USP32: variants seen among roughly 807,000 people sequenced by gnomAD.
USP32 encodes ubiquitin specific peptidase 32.
USP32 carries 59 observed loss-of-function variants against 204.8 expected under a neutral mutation model. The ratio of observed to expected loss-of-function variants is 0.29; its 90% CI spans 0.23 to 0.36. The LOEUF is 0.36. Ranked by LOEUF, USP32 falls within the 10% of genes least tolerant of loss-of-function variation. The pLI, the probability that USP32 is intolerant of heterozygous loss-of-function variation, is 1.00. For missense variants in USP32, 1,160 were observed against 1,946.4 expected, an observed-to-expected ratio of 0.60 and a Z score of 7.60; for synonymous variants, 517 against 678.4, an observed-to-expected ratio of 0.76 and a Z score of 3.70.
At chr17:60,416,089 C>T (rs953433932) in intron 1 of USP32, among the ~76,000 whole-genome samples, 9 of 152,214 alleles carry the variant, frequency 5.9e-5, no homozygotes, top group South Asian at 4.1e-4. Flanking sequence ...CTGCCCGCGT[C>T]GGCCTCCCAA....
At chr17:60,336,626 G>T (rs1274836939) in intron 2 of USP32, among the ~76,000 whole-genome samples, 24 of 143,610 alleles carry the variant, frequency 1.7e-4, no homozygotes, top group South Asian at 2.1e-4. Context: ...TGAGGCAGGA[G>T]AATGGCGTGA....
At chr17:60,354,018 C>A (rs1165761385) in intron 1 of USP32, among the ~76,000 whole-genome samples, 2 of 152,166 alleles carry the variant, frequency 1.3e-5, no homozygotes, top group African/African-American at 4.8e-5. Context: ...CAACTATACT[C>A]TTTACTTCCA....
At chr17:60,298,745 C>T (rs1302856814) in intron 3 of USP32, among the ~76,000 whole-genome samples, 1 of 152,082 alleles carries the variant, frequency 6.6e-6, no homozygotes, top group Non-Finnish European at 1.5e-5. Flanking sequence ...AATTATATTC[C>T]AATACATAAA....
At chr17:60,262,258 C>T (rs187202038) in intron 9 of USP32, among the ~76,000 whole-genome samples, 7 of 152,288 alleles carry the variant, frequency 4.6e-5, no homozygotes, top group African/African-American at 1.7e-4. Context: ...ATGGTGTCAT[C>T]TTGGCTCACT....
At chr17:60,256,775 AC>A in intron 9 of USP32, 2 of 1,189,012 alleles carry the variant, frequency 1.7e-6, no homozygotes, top group Non-Finnish European at 2.1e-6. Context: ...AATCAAGTAT[AC>A]AAAAAACTGG....
intron 16 of USP32, among the ~76,000 whole-genome samples, chr17:60,216,467 C>T (rs1307701586): frequency 6.6e-6 from 1 of 152,160 alleles, no homozygotes; most frequent in Non-Finnish European, 1.5e-5. Flanking sequence ...CCCATTCAAT[C>T]ATGAGTTAGC....
intron 1 of USP32, among the ~76,000 whole-genome samples, chr17:60,355,896 A>T (rs1233026966): frequency 6.7e-6 from 1 of 150,176 alleles, no homozygotes; most frequent in African/African-American, 2.4e-5. Flanking sequence ...GTAAAAAAAA[A>T]AAAAAAAAAA....
intron 30 of USP32, among the ~76,000 whole-genome samples, chr17:60,185,090 G>A (rs948147526): frequency 7.2e-5 from 11 of 152,210 alleles, no homozygotes; most frequent in African/African-American, 2.7e-4. Context: ...TCCAGGCTCA[G>A]TTGCTCTTCT....
rs115461269 is a variant in USP32, at chr17:60,236,707, A to G, written c.1137-467T>C. On this transcript the variant is annotated intron_variant, in intron 11 of 33. Transcript: ENST00000300896. ...GTTTGAGAACATTTAAAACATTTCA[A>G]TTAATCCAAAAAGACTGCTGTAGCC... Among the ~76,000 whole-genome samples the G allele has an allele frequency of 9.3e-3, 1,410 of 152,350 alleles. 16 individuals carry two copies. Among genetic ancestry groups the G allele is most frequent in the African/African-American group, 0.032 (1,319 of 41,574 alleles).
intron 9 of USP32, 40 bp from the exon 10 acceptor site, chr17:60,255,298 C>A (rs111586105): frequency 8.2e-5 from 90 of 1,100,730 alleles, no homozygotes; most frequent in Non-Finnish European, 1.0e-4. Flanking sequence ...TCTTTTTTTT[C>A]TTTTTTTTTT....
rs769810268 is a variant in USP32 at position 60,391,898 on chromosome 17, C to T, written c.42G>A (p.Glu14=). ...KESRIGFLSY[E]EALRRVTDVE... ...CCCCCTCACCTCTCCTCAGCGCCTC[C>T]TCGTAGCTGAGGAATCCGATCCGTG... The change falls in exon 1 of 34, where the codon GAG becomes GAA. Residue 14 remains glutamate, a synonymous_variant. Coordinates refer to ENST00000300896, the MANE Select transcript of USP32 (RefSeq NM_032582.4). 1.2e-6 allele frequency: 2 copies of T among 1,612,044 alleles called. No homozygotes were observed. Among genetic ancestry groups the T allele is most frequent in the Admixed American group, 3.4e-5 (2 of 59,644 alleles).
In USP32 at chr17:60,288,518, C is replaced by T; in HGVS notation, c.571+5G>A. On this transcript the variant is annotated splice_donor_5th_base_variant and intron_variant, in intron 5 of 33. Transcript: ENST00000300896. ...AACAGAAAACAATGAAATGTCATTA[C>T]TTACAATGTGTGACTCCAGCCAGAG... The T allele has an allele frequency of 6.3e-7, 1 of 1,580,790 alleles. No homozygotes were observed.
At chr17:60,201,015 C>T (rs529754838) in intron 26 of USP32, among the ~76,000 whole-genome samples, 34 of 152,202 alleles carry the variant, frequency 2.2e-4, no homozygotes, top group Admixed American at 3.3e-4. Context: ...GTGTGGCACA[C>T]GCTGGCTAAT....
chr17:60,281,894 C>T (rs2086975809), intron 5 of USP32, among the ~76,000 whole-genome samples: 1 of 152,202 alleles, frequency 6.6e-6, no homozygotes, highest in South Asian at 2.1e-4. Context: ...CAGTAACCTG[C>T]ACTTTCAATA....
intron 5 of USP32, among the ~76,000 whole-genome samples, chr17:60,278,983 G>GA (rs147230634): frequency 6.1e-4 from 93 of 152,146 alleles, no homozygotes; most frequent in African/African-American, 2.1e-3. Flanking sequence ...AGTATTATAA[G>GA]AAAAAACAAA....
intron 4 of USP32, among the ~76,000 whole-genome samples, chr17:60,289,007 T>C (rs2087195972): frequency 6.6e-6 from 1 of 152,238 alleles, no homozygotes; most frequent in South Asian, 2.1e-4. Flanking sequence ...TTTTGTTTTT[T>C]GTTTTTGTTT....
At chr17:60,223,269 T>C (rs2145574106) in intron 14 of USP32, 142 bp downstream of exon 14, 1 of 655,946 alleles carries the variant, frequency 1.5e-6, no homozygotes, top group African/African-American at 1.9e-5. Flanking sequence ...CTCACAGAAA[T>C]GTACTATACA....
chr17:60,348,060 C>T (rs1303723925), intron 1 of USP32, among the ~76,000 whole-genome samples: 27 of 151,016 alleles, frequency 1.8e-4, no homozygotes, highest in African/African-American at 4.6e-4. Flanking sequence ...AGGCGGAGCT[C>T]GCAGTGAGCC....
chr17:60,388,193 T>C (rs148916973), intron 1 of USP32, among the ~76,000 whole-genome samples: 155 of 152,050 alleles, frequency 1.0e-3, no homozygotes, highest in Non-Finnish European at 2.1e-3. Context: ...GCAATATAAA[T>C]GCCAGATTTT....
Sources: gnomAD v4.1 joint callset for allele counts (sites outside exome capture counted in the v4.1 genomes callset) on GRCh38, gnomAD v4.1.1 for gene constraint, MANE v1.5 for transcripts, NCBI Gene and HGNC (gene_info 2026-07-23, HGNC 2026-07-21) for gene names.